MEI1: variants seen among roughly 807,000 people sequenced by gnomAD.
MEI1 encodes meiosis inhibitor protein 1.
A neutral mutation model predicts 146.2 loss-of-function variants in MEI1; 103 were observed. That is an observed-to-expected ratio of 0.70 (90% CI 0.60 to 0.83). The LOEUF (loss-of-function observed/expected upper bound fraction) is 0.83, where lower values mean the gene tolerates loss of function less well. Among genes scored for constraint, MEI1 ranks in the 40% least tolerant of loss-of-function variants. The probability of loss-of-function intolerance (pLI) is 0.00; values close to 1 mark genes in which losing one functional copy is unlikely to be tolerated. For synonymous variants in MEI1, 652 were observed against 628.2 expected, an observed-to-expected ratio of 1.04 and a Z score of -0.57; for missense variants, 1,529 against 1,533.0, an observed-to-expected ratio of 1.00 and a Z score of 0.04.
At chr22:41,713,282 G>A (rs1213241751) in intron 3 of MEI1, among the ~76,000 whole-genome samples, 2 of 152,022 alleles carry the variant, frequency 1.3e-5, no homozygotes, top group African/African-American at 2.4e-5. Context: ...ATTACCCTGG[G>A]CAGTACAGAC....
chr22:41,759,000 G>A (rs149818609), intron 18 of MEI1, among the ~76,000 whole-genome samples: 5 of 151,672 alleles, frequency 3.3e-5, no homozygotes, highest in East Asian at 2.0e-4. Flanking sequence ...AAAATTAGCC[G>A]GGCATGGTGT....
Position 41,730,416 on chromosome 22 carries a change from A to G in MEI1, c.980-105A>G, listed in dbSNP as rs149447743. On this transcript the variant is annotated intron_variant, in intron 8 of 30. Coordinates refer to ENST00000401548, the MANE Select transcript of MEI1 (RefSeq NM_152513.4). ...ATGGAGAGGATATGTGAACAGATGA[A>G]GTAGCAAGAGTAAGGTGCTGAATAA... 1.5e-5 allele frequency: 11 copies of G among 718,774 alleles called. No homozygotes were observed. In the African/African-American group the frequency reaches 1.9e-4, roughly 12 times the overall value. 44.5% of individuals were successfully genotyped at this position (718,774 alleles called of 1,614,324 possible). A position where few individuals can be genotyped will look rare whatever the true frequency, so the allele number is the denominator to read the frequency against.
intron 16 of MEI1, chr22:41,753,645 A>G: frequency 5.0e-6 from 1 of 198,722 alleles, no homozygotes; most frequent in South Asian, 1.0e-4. Context: ...ACGCCAGGCT[A>G]ATTTTGTATT....
Position 41,799,375 on chromosome 22 carries a change from G to C in MEI1, c.*76G>C. On this transcript the variant is annotated 3_prime_UTR_variant, in exon 31 of 31. Coordinates refer to ENST00000401548, the MANE Select transcript of MEI1 (RefSeq NM_152513.4). ...AAAGGGCATAATTGTTGGGGAAATG[G>C]ATGACAGCTGAAGCTATTCATATGG... 8 of 1,397,986 alleles carry C rather than the reference G, an allele frequency of 5.7e-6. No homozygotes were observed. Among genetic ancestry groups the C allele is most frequent in the Non-Finnish European group, 8.1e-6 (8 of 987,970 alleles). The allele number at this position is 1,397,986 out of a possible 1,614,324, so 86.6% of individuals were successfully genotyped here.
At position 41,784,632 on chromosome 22, in the gene MEI1, C is replaced by T; in HGVS notation, c.3194C>T (p.Thr1065Ile). 6.2e-7 allele frequency: 1 copy of T among 1,613,052 alleles called. No homozygotes were observed. Among genetic ancestry groups the T allele is most frequent in the South Asian group, 1.1e-5 (1 of 91,070 alleles). The change falls in exon 26 of 31, where the codon ACA becomes ATA. Residue 1065 changes from threonine (T) to isoleucine (I), a missense_variant. Thr to Ile is a moderately conservative substitution (Grantham distance 89). Coordinates refer to ENST00000401548, the MANE Select transcript of MEI1 (RefSeq NM_152513.4). ...LSAAILCFLR[T>I]ALRQSFSSAL... ...GCTGCCATCTTATGCTTCCTGCGGA[C>T]AGCCCTGCGACAAAGCTTTTCCTCT...
chr22:41,704,602 T>C (rs1024807672), intron 2 of MEI1, among the ~76,000 whole-genome samples: 6 of 150,420 alleles, frequency 4.0e-5, no homozygotes, highest in African/African-American at 1.5e-4. Context: ...TTAGTAGAGA[T>C]GGGGTTTTGC....
At chr22:41,712,702 G>GTGT (rs3045420) in intron 3 of MEI1, among the ~76,000 whole-genome samples, 1 of 149,696 alleles carries the variant, frequency 6.7e-6, no homozygotes. Flanking sequence ...GTGTGTGTGT[G>GTGT]GAGCAATATA....
intron 14 of MEI1, among the ~76,000 whole-genome samples, chr22:41,746,770 C>T (rs1284323940): frequency 6.6e-6 from 1 of 152,120 alleles, no homozygotes; most frequent in African/African-American, 2.4e-5. Flanking sequence ...AGGGAGGCAC[C>T]TCTGGCTCTG....
chr22:41,717,647 G>T (rs1479988942), intron 5 of MEI1, among the ~76,000 whole-genome samples: 1 of 141,792 alleles, frequency 7.1e-6, no homozygotes, highest in Admixed American at 7.3e-5. Flanking sequence ...TTGGAGTCTC[G>T]CTCTGTTGCC....
chr22:41,706,394 T>C (rs919837791), intron 3 of MEI1, among the ~76,000 whole-genome samples: 40 of 152,182 alleles, frequency 2.6e-4, no homozygotes, highest in African/African-American at 8.9e-4. Context: ...AGATAAGACA[T>C]GGTCCCTGTC....
intron 7 of MEI1, among the ~76,000 whole-genome samples, chr22:41,727,818 A>G (rs1252267460): frequency 1.3e-5 from 2 of 152,180 alleles, no homozygotes; most frequent in Non-Finnish European, 2.9e-5. Flanking sequence ...TAATTTCCCC[A>G]GGAATGAACT....
At chr22:41,797,818 G>T (rs1602215986) in intron 30 of MEI1, among the ~76,000 whole-genome samples, 1 of 152,210 alleles carries the variant, frequency 6.6e-6, no homozygotes, top group East Asian at 1.9e-4. Context: ...ACCTCCTAGG[G>T]TTGTAGCAAG....
At chr22:41,752,415 T>A in intron 15 of MEI1, 176 bp from the exon 16 acceptor site, 1 of 610,054 alleles carries the variant, frequency 1.6e-6, no homozygotes, top group East Asian at 2.8e-5. Context: ...CAAAACTGAG[T>A]CTCAGAGAAG....
Position 41,702,082 on chromosome 22 carries a change from A to C in MEI1, c.175-1249A>C, listed in dbSNP as rs145638697. On this transcript the variant is annotated intron_variant, in intron 1 of 30. Transcript: ENST00000401548. ...CGTAGGATGAATTGGTGAAGGAAAAACAGGAGCCTTACAGTAGCACAGATG... is the reference window on the plus strand; with the variant it reads ...CGTAGGATGAATTGGTGAAGGAAAACCAGGAGCCTTACAGTAGCACAGATG... Among the ~76,000 whole-genome samples, 286 of 152,294 alleles carry C rather than the reference A, an allele frequency of 1.9e-3. 9 individuals are homozygous for C. The East Asian group carries it at 0.048, about 26-fold the overall frequency.
rs961819637 is a variant in MEI1, at chr22:41,732,416, G to C, written c.1197-53G>C. ...AAGGAAAAGTGGGCTTTCACTCCTG[G>C]TGGGGTCAGTGAGAAGAGTTCACCT... is the stretch of plus-strand genomic sequence containing the variant. On this transcript the variant is annotated intron_variant, in intron 10 of 30. Coordinates refer to ENST00000401548, the MANE Select transcript of MEI1 (RefSeq NM_152513.4). 32 of 1,613,526 alleles carry C rather than the reference G, an allele frequency of 2.0e-5. No individual in the cohort carries two copies. In the Admixed American group the frequency reaches 5.3e-4, roughly 27 times the overall value.
rs1194709193 is a variant in MEI1 at position 41,781,689 on chromosome 22, T to C, written c.2931T>C (p.Ala977=). ...QTTPSSQKRA[A]AVLLSSTGLM... ...TGCCTTGCCCACCCCCGACAGCTGC[T>C]GCAGTGCTCCTGAGCAGCACAGGCC... is the stretch of plus-strand genomic sequence containing the variant. The change falls in exon 24 of 31, where the codon GCT becomes GCC. Residue 977 remains alanine, a synonymous_variant. Transcript: ENST00000401548. The C allele has an allele frequency of 2.5e-6, 4 of 1,613,028 alleles. No homozygotes were observed. In the African/African-American group the frequency reaches 5.3e-5, roughly 22 times the overall value.
chr22:41,795,551 G>A lies in MEI1; in HGVS notation c.3666+9G>A. On this transcript the variant is annotated intron_variant, in intron 29 of 30. Coordinates refer to ENST00000401548, the MANE Select transcript of MEI1 (RefSeq NM_152513.4). The surrounding 1 kb of genome is among the most constrained non-coding windows in gnomAD (Gnocchi z 4.2). Reference sequence around the variant, plus strand: ...ATGGCTTCTTCCAGCAGGTGGGTGGGAAGGGGAGGCCATGCAGCCACTGTA... The same window carrying A: ...ATGGCTTCTTCCAGCAGGTGGGTGGAAAGGGGAGGCCATGCAGCCACTGTA... The A allele has an allele frequency of 6.2e-7, 1 of 1,613,828 alleles. No individual in the cohort carries two copies. The highest frequency in any genetic ancestry group is 8.5e-7 in the Non-Finnish European group (1 of 1,179,844).
intron 11 of MEI1, among the ~76,000 whole-genome samples, chr22:41,734,561 C>A (rs934776672): frequency 2.0e-5 from 3 of 152,198 alleles, no homozygotes; most frequent in African/African-American, 7.2e-5. Flanking sequence ...CCACTGTACT[C>A]CAGACTGAGG....
chr22:41,776,277 C>G lies in MEI1; in HGVS notation c.2710+10C>G, dbSNP rs1180697350. On this transcript the variant is annotated intron_variant, in intron 21 of 30. Coordinates refer to ENST00000401548, the MANE Select transcript of MEI1 (RefSeq NM_152513.4). ...GCATCCCCATCAGGAGGTCAGTCTG[C>G]AGGTGCTGTGGGCACACTTTGACCT... 6.2e-7 allele frequency: 1 copy of G among 1,612,702 alleles called. No individual in the cohort carries two copies.
Sources: gnomAD v4.1 joint callset for allele counts (sites outside exome capture counted in the v4.1 genomes callset) on GRCh38, gnomAD v4.1.1 for gene constraint, Gnocchi (gnomAD v3.1) non-coding constraint, MANE v1.5 for transcripts, NCBI Gene and HGNC (gene_info 2026-07-23, HGNC 2026-07-21) for gene names.